The following TFB1M variants were observed in gnomAD, a reference collection of about 807,000 sequenced individuals.
TFB1M encodes dimethyladenosine transferase 1, mitochondrial.
A neutral mutation model predicts 31.1 loss-of-function variants in TFB1M; 27 were observed. The ratio of observed to expected loss-of-function variants is 0.87; its 90% confidence interval spans 0.64 to 1.20. The LOEUF (loss-of-function observed/expected upper bound fraction) is 1.20, where lower values mean the gene tolerates loss of function less well. Among genes scored for constraint, TFB1M ranks in the 50% most tolerant of loss-of-function variants. The pLI, the probability that TFB1M is intolerant of heterozygous loss-of-function variation, is 0.00. For missense variants in TFB1M, 394 were observed against 418.7 expected, an observed-to-expected ratio of 0.94 and a Z score of 0.51; for synonymous variants, 166 against 151.8, an observed-to-expected ratio of 1.09 and a Z score of -0.69.
the TFB1M span, among the ~76,000 whole-genome samples, chr6:155,234,916 G>C: frequency 6.6e-6 from 1 of 152,102 alleles, no homozygotes; most frequent in African/African-American, 2.4e-5. Context: ...AGATTGCTTT[G>C]CCTGTGCTCT....
intron 3 of TFB1M, 48 bp downstream of exon 3, chr6:155,298,429 A>G (rs771557952): frequency 1.1e-6 from 1 of 933,088 alleles, no homozygotes; most frequent in South Asian, 1.3e-5. Context: ...CATTTGTGAT[A>G]TAAATAATCA....
chr6:155,314,233 C>T, intron 1 of TFB1M, 63 bp downstream of exon 1: 1 of 1,596,630 alleles, frequency 6.3e-7, no homozygotes, highest in Non-Finnish European at 8.5e-7. Context: ...CGTGCAAGAC[C>T]CCCCGGCCCA....
chr6:155,256,592 G>C lies in TFB1M; in HGVS notation c.*1244C>G. On this transcript the variant is annotated 3_prime_UTR_variant, in exon 7 of 7. Transcript: ENST00000367166. ...TCTGACGAGGGCAGCTTGAGCAGCG[G>C]CACCCAGAGCAGCGGCTGCCCCACG... The C allele has an allele frequency of 6.2e-7, 1 of 1,614,066 alleles. No individual in the cohort carries two copies. The highest frequency in any genetic ancestry group is 8.5e-7 in the Non-Finnish European group (1 of 1,179,940).
rs147427621 is a variant in TFB1M, at chr6:155,259,213, C to T, written c.794+1060G>A. 2.2e-4 allele frequency among the ~76,000 whole-genome samples: 33 copies of T among 152,346 alleles called. 2 individuals carry two copies. The East Asian group carries it at 6.4e-3, about 29-fold the overall frequency. ...TGAGGGGTAAGTGTGAGCCAAAATCCAGCTTCTGTTTCACTCACCAGCAGT... is the reference window on the plus strand; with the variant it reads ...TGAGGGGTAAGTGTGAGCCAAAATCTAGCTTCTGTTTCACTCACCAGCAGT... On this transcript the variant is annotated intron_variant, in intron 6 of 6. Transcript: ENST00000367166.
chr6:155,277,214 T>C (rs910285109), intron 5 of TFB1M, among the ~76,000 whole-genome samples: 1 of 152,238 alleles, frequency 6.6e-6, no homozygotes, highest in Admixed American at 6.5e-5. Flanking sequence ...TCCCACTTCC[T>C]CTCTCATTTA....
downstream of TFB1M, chr6:155,254,110 T>C: frequency 6.4e-7 from 1 of 1,568,260 alleles, no homozygotes; most frequent in Admixed American, 1.7e-5. Flanking sequence ...CATAGAATTA[T>C]GTCTCTTAAG....
At chr6:155,278,492 T>C (rs1226311867) in intron 5 of TFB1M, among the ~76,000 whole-genome samples, 1 of 152,256 alleles carries the variant, frequency 6.6e-6, no homozygotes, top group Non-Finnish European at 1.5e-5. Flanking sequence ...TAGCTCTGCA[T>C]TCTCAGTGAC....
At chr6:155,298,423 TGTG>T in intron 3 of TFB1M, 51 bp downstream of exon 3, 2 of 897,242 alleles carry the variant, frequency 2.2e-6, no homozygotes. Context: ...AATGAACATT[TGTG>T]ATATAAATAA....
intron 2 of TFB1M, among the ~76,000 whole-genome samples, chr6:155,307,182 A>C (rs1554257857): frequency 6.8e-6 from 1 of 147,662 alleles, no homozygotes; most frequent in Non-Finnish European, 1.5e-5. Context: ...CACACAGACA[A>C]ATCCTCAGTA....
At chr6:155,242,817 C>T in the TFB1M span, among the ~76,000 whole-genome samples, 15 of 152,146 alleles carry the variant, frequency 9.9e-5, no homozygotes, top group African/African-American at 3.6e-4. Context: ...CTCACTGCAA[C>T]CTCCACCTCC....
downstream of TFB1M, chr6:155,253,245 CT>C: frequency 1.9e-6 from 1 of 513,838 alleles, no homozygotes; most frequent in Non-Finnish European, 3.4e-6. Flanking sequence ...TGGTGGATAG[CT>C]TTTTCTTTGC....
intron 4 of TFB1M, among the ~76,000 whole-genome samples, chr6:155,295,642 C>T (rs964128398): frequency 3.9e-5 from 6 of 152,060 alleles, no homozygotes; most frequent in African/African-American, 1.4e-4. Flanking sequence ...CATCCATGTA[C>T]ATTATACAGT....
intron 5 of TFB1M, chr6:155,275,638 T>C (rs988396592): frequency 2.3e-5 from 32 of 1,372,888 alleles, no homozygotes; most frequent in Admixed American, 8.3e-5. Context: ...GGTTCTCTAC[T>C]GCACAGAAAT....
chr6:155,240,931 G>C, the TFB1M span, among the ~76,000 whole-genome samples: 1 of 152,194 alleles, frequency 6.6e-6, no homozygotes, highest in African/African-American at 2.4e-5. Context: ...GGCTTATTTT[G>C]TTACCAAGGT....
At chr6:155,302,650 T>C (rs895672029) in intron 2 of TFB1M, among the ~76,000 whole-genome samples, 4 of 152,230 alleles carry the variant, frequency 2.6e-5, no homozygotes, top group African/African-American at 9.6e-5. Flanking sequence ...CACTCGTATC[T>C]TAAATGATAC....
downstream of TFB1M, among the ~76,000 whole-genome samples, chr6:155,251,208 T>C (rs1783636239): frequency 6.6e-6 from 1 of 152,246 alleles, no homozygotes; most frequent in South Asian, 2.1e-4. Flanking sequence ...CTCATTATCT[T>C]GTTCTCCCTT....
intron 1 of TFB1M, among the ~76,000 whole-genome samples, chr6:155,312,578 T>C (rs1265504206): frequency 6.6e-6 from 1 of 152,174 alleles, no homozygotes; most frequent in Non-Finnish European, 1.5e-5. Context: ...TCTCAAACTT[T>C]TCAGGCACAT....
At chr6:155,289,594 G>A (rs555547325) in intron 4 of TFB1M, among the ~76,000 whole-genome samples, 23 of 152,092 alleles carry the variant, frequency 1.5e-4, no homozygotes, top group African/African-American at 2.4e-4. Flanking sequence ...ATAAGACGAC[G>A]GTGCTCATTT....
At chr6:155,249,211 G>C in the TFB1M span, among the ~76,000 whole-genome samples, 1 of 152,106 alleles carries the variant, frequency 6.6e-6, no homozygotes, top group African/African-American at 2.4e-5. Flanking sequence ...TTGCTTTTTG[G>C]CTTTTATAAA....
Sources: allele counts gnomAD v4.1 joint callset (sites outside exome capture counted in the v4.1 genomes callset), GRCh38; gene constraint gnomAD v4.1.1; transcripts MANE v1.5; gene names NCBI Gene and HGNC (gene_info 2026-07-23, HGNC 2026-07-21).